The following PDGFRL variants were observed in gnomAD, a reference collection of about 807,000 sequenced individuals.
PDGFRL encodes platelet-derived growth factor receptor-like protein.
In PDGFRL, 46 loss-of-function variants were observed where a neutral mutation model predicts 37.2. That is an observed-to-expected ratio of 1.24 (90% CI 0.98 to 1.58). PDGFRL has a LOEUF of 1.58. Ranked by LOEUF, PDGFRL falls within the 40% of genes most tolerant of loss-of-function variation. The pLI is 0.00. For synonymous variants in PDGFRL, 251 were observed against 184.3 expected, an observed-to-expected ratio of 1.36 and a Z score of -2.93; for missense variants, 692 against 467.6, an observed-to-expected ratio of 1.48 and a Z score of -4.43.
rs115395694 is a variant in PDGFRL at position 17,621,997 on chromosome 8, A to G, written c.505+795A>G. Among the ~76,000 whole-genome samples the G allele has an allele frequency of 4.8e-3, 736 of 152,170 alleles. 7 individuals are homozygous for G. Among genetic ancestry groups the G allele is most frequent in the African/African-American group, 0.016 (672 of 41,530 alleles). The stretch of plus-strand genomic sequence containing the variant: ...CCTGTTTGTTCTTGTGAATACTATG[A>G]GCTGAGATTTCGGGGGCAAGATTCC... On this transcript the variant is annotated intron_variant, in intron 3 of 5. Coordinates refer to ENST00000251630, the MANE Select transcript of PDGFRL (RefSeq NM_001372073.1).
chr8:17,621,073 G>T lies in PDGFRL; in HGVS notation c.376G>T (p.Gly126Cys), dbSNP rs199801810. The change falls in exon 3 of 6, where the codon GGC (glycine) becomes TGC (cysteine). Residue 126 changes from glycine (G) to cysteine (C), a missense_variant. By Grantham distance (159) the Gly-to-Cys change is radical. Coordinates refer to ENST00000251630, the MANE Select transcript of PDGFRL (RefSeq NM_001372073.1). ...RLSVKQNERY[G>C]QLTLVNSTSA... is the part of the protein sequence containing the mutation. ...TAGCGTCAAGCAGAATGAGCGCTAC[G>T]GCCAGTTGACTCTGGTCAACTCCAC... 5 of 1,608,770 alleles carry T rather than the reference G, an allele frequency of 3.1e-6. No homozygotes were observed. The highest frequency in any genetic ancestry group is 4.2e-6 in the Non-Finnish European group (5 of 1,176,644).
At chr8:17,613,020 C>A (rs984940901) in intron 2 of PDGFRL, among the ~76,000 whole-genome samples, 1 of 152,188 alleles carries the variant, frequency 6.6e-6, no homozygotes, top group African/African-American at 2.4e-5. Context: ...TGCACCTAAT[C>A]TACCATGAAT....
chr8:17,612,918 ATC>A (rs1563519528), intron 2 of PDGFRL, among the ~76,000 whole-genome samples: 1 of 147,366 alleles, frequency 6.8e-6, no homozygotes, highest in African/African-American at 2.4e-5. Flanking sequence ...AAAATATTCT[ATC>A]TCTTTTATGA....
chr8:17,576,469 C>G (rs1017382300), upstream of PDGFRL: 1 of 153,838 alleles, frequency 6.5e-6, no homozygotes, highest in Non-Finnish European at 1.5e-5. Context: ...AGGATGTGGC[C>G]TGTGTGCCGC....
intron 2 of PDGFRL, among the ~76,000 whole-genome samples, chr8:17,591,901 C>A (rs373576029): frequency 5.6e-4 from 85 of 152,124 alleles, no homozygotes; most frequent in African/African-American, 2.0e-3. Context: ...AGCAACATCG[C>A]GATACTGTGT....
chr8:17,606,178 G>C (rs1804272181), intron 2 of PDGFRL, among the ~76,000 whole-genome samples: 1 of 12,252 alleles, frequency 8.2e-5, no homozygotes, highest in Admixed American at 1.8e-3. Context: ...TGCTGAGTAA[G>C]GTATTTTTTT....
At chr8:17,615,972 C>G (rs1585321453) in intron 2 of PDGFRL, among the ~76,000 whole-genome samples, 1 of 152,192 alleles carries the variant, frequency 6.6e-6, no homozygotes, top group East Asian at 1.9e-4. Context: ...AAGTCCTGAA[C>G]TTGTTTACGG....
intron 2 of PDGFRL, among the ~76,000 whole-genome samples, chr8:17,604,950 C>T (rs559905692): frequency 7.9e-5 from 12 of 151,822 alleles, no homozygotes; most frequent in Non-Finnish European, 1.3e-4. Flanking sequence ...CCCATCTCTA[C>T]GAAAAAAGAT....
intron 2 of PDGFRL, among the ~76,000 whole-genome samples, chr8:17,598,468 G>C (rs1585308233): frequency 6.6e-6 from 1 of 152,206 alleles, no homozygotes; most frequent in African/African-American, 2.4e-5. Flanking sequence ...AGCTCAGGAA[G>C]TATGTTTTGG....
At chr8:17,598,307 C>T (rs1440054380) in intron 2 of PDGFRL, among the ~76,000 whole-genome samples, 3 of 152,168 alleles carry the variant, frequency 2.0e-5, no homozygotes, top group Admixed American at 1.3e-4. Context: ...TATATTATTG[C>T]TTATTTGTTT....
At chr8:17,579,089 T>C (rs528178355) in intron 1 of PDGFRL, among the ~76,000 whole-genome samples, 1 of 152,044 alleles carries the variant, frequency 6.6e-6, no homozygotes, top group South Asian at 2.1e-4. Flanking sequence ...TCCCAGCTAC[T>C]TGGGAGGGTG....
intron 3 of PDGFRL, among the ~76,000 whole-genome samples, chr8:17,622,202 T>C (rs1273224955): frequency 6.6e-6 from 1 of 152,232 alleles, no homozygotes; most frequent in African/African-American, 2.4e-5. Flanking sequence ...TCTTCTGTAA[T>C]GTTCTCTAAG....
intron 2 of PDGFRL, among the ~76,000 whole-genome samples, chr8:17,608,467 C>G (rs1028418163): frequency 2.6e-5 from 4 of 152,088 alleles, no homozygotes; most frequent in African/African-American, 7.2e-5. Flanking sequence ...CGTGCATTGG[C>G]ACAATATATC....
At chr8:17,608,757 A>C (rs1470808784) in intron 2 of PDGFRL, among the ~76,000 whole-genome samples, 1 of 152,258 alleles carries the variant, frequency 6.6e-6, no homozygotes, top group Non-Finnish European at 1.5e-5. Context: ...ACAAGGACAG[A>C]GCAACAGAAG....
intron 2 of PDGFRL, among the ~76,000 whole-genome samples, chr8:17,604,472 A>T (rs1804230255): frequency 6.6e-6 from 1 of 152,130 alleles, no homozygotes; most frequent in Non-Finnish European, 1.5e-5. Flanking sequence ...ATTCTCAGCA[A>T]ACTGTCGTAA....
intron 5 of PDGFRL, among the ~76,000 whole-genome samples, chr8:17,640,837 A>T (rs1805076334): frequency 6.6e-6 from 1 of 152,144 alleles, no homozygotes; most frequent in Admixed American, 6.5e-5. Context: ...TAGAGCTCCC[A>T]AGAGATTATG....
At chr8:17,577,382 C>T (rs1008305770) in intron 1 of PDGFRL, 75 bp downstream of exon 1, 123 of 1,265,506 alleles carry the variant, frequency 9.7e-5, no homozygotes, top group Non-Finnish European at 1.3e-4. Context: ...CCGCCGCCCT[C>T]CTGCCAGCTC....
chr8:17,627,507 C>T (rs1043999612), intron 3 of PDGFRL, among the ~76,000 whole-genome samples: 3 of 148,050 alleles, frequency 2.0e-5, no homozygotes, highest in Admixed American at 6.8e-5. Context: ...TGCTCTGTTG[C>T]CCAGGCTGGA....
chr8:17,636,344 A>G (rs896717209), intron 5 of PDGFRL, among the ~76,000 whole-genome samples: 3 of 152,154 alleles, frequency 2.0e-5, no homozygotes, highest in African/African-American at 7.2e-5. Context: ...TGGCTTGCCA[A>G]TTATCCCAGC....
Sources: gnomAD v4.1 joint callset for allele counts (sites outside exome capture counted in the v4.1 genomes callset) on GRCh38, gnomAD v4.1.1 for gene constraint, MANE v1.5 for transcripts, NCBI Gene and HGNC (gene_info 2026-07-23, HGNC 2026-07-21) for gene names.